CBLB: variants seen among roughly 807,000 people sequenced by gnomAD.
CBLB encodes the protein E3 ubiquitin-protein ligase CBL-B.
A neutral mutation model predicts 104.9 loss-of-function variants in CBLB; 31 were observed. The ratio of observed to expected loss-of-function variants is 0.30; its 90% confidence interval spans 0.22 to 0.40. The LOEUF is 0.40. Among genes scored for constraint, CBLB ranks in the 10% least tolerant of loss-of-function variants. CBLB has a pLI of 1.00. For missense variants in CBLB, 1,062 were observed against 1,214.6 expected, an observed-to-expected ratio of 0.87 and a Z score of 1.87; for synonymous variants, 440 against 422.6, an observed-to-expected ratio of 1.04 and a Z score of -0.51.
intron 4 of CBLB, among the ~76,000 whole-genome samples, chr3:105,765,160 G>C (rs2152939105): frequency 6.6e-6 from 1 of 152,312 alleles, no homozygotes; most frequent in South Asian, 2.1e-4. Flanking sequence ...AATTAATGTA[G>C]ATGAAACAGC....
At position 105,707,251 on chromosome 3, in the gene CBLB, G is replaced by A. The variant is rs568790359; in HGVS notation, c.1408-3078C>T. Among the ~76,000 whole-genome samples, 195 of 152,256 alleles carry A rather than the reference G, an allele frequency of 1.3e-3. 2 individuals are homozygous for A. The highest frequency in any genetic ancestry group is 3.2e-3 in the African/African-American group (134 of 41,560). On this transcript the variant is annotated intron_variant, in intron 10 of 18. Coordinates refer to ENST00000394030, the MANE Select transcript of CBLB (RefSeq NM_170662.5). The stretch of plus-strand genomic sequence containing the variant: ...TAATTGGAAGCATATCTTGCTTAGC[G>A]CAATTCATACTGTGTTCTGAAGGTG...
In CBLB at chr3:105,847,392, C is replaced by CCACACACACA. The variant is rs112192218; in HGVS notation, c.419+6012_419+6021dup. Among the ~76,000 whole-genome samples, 432 of 143,534 alleles carry CCACACACACA rather than the reference C, an allele frequency of 3.0e-3. 3 individuals are homozygous for CCACACACACA. Among genetic ancestry groups the CCACACACACA allele is most frequent in the Admixed American group, 6.3e-3 (90 of 14,324 alleles). 94.2% of individuals were successfully genotyped at this position (143,534 alleles called of 152,430 possible). A position where few individuals can be genotyped will look rare whatever the true frequency, so the allele number is the denominator to read the frequency against. On this transcript the variant is annotated intron_variant, in intron 3 of 18. Coordinates refer to ENST00000394030, the MANE Select transcript of CBLB (RefSeq NM_170662.5). ...TAACTACAGAACATGTAACCCTCCA[C>CCACACACACA]CACACACACACACACACACACACAC...
At chr3:105,820,972 T>C (rs2085756852) in intron 3 of CBLB, among the ~76,000 whole-genome samples, 1 of 152,186 alleles carries the variant, frequency 6.6e-6, no homozygotes, top group Admixed American at 6.5e-5. Context: ...GTTTAAAAAA[T>C]ATACCTTTTA....
chr3:105,701,161 GCTGTCT>G (rs1450237587), intron 12 of CBLB, among the ~76,000 whole-genome samples: 6 of 152,180 alleles, frequency 3.9e-5, no homozygotes, highest in Non-Finnish European at 8.8e-5. Context: ...GATTTCTGCT[GCTGTCT>G]CTTCAGTTTC....
At chr3:105,664,466 T>C (rs2064150849) in intron 18 of CBLB, among the ~76,000 whole-genome samples, 2 of 152,200 alleles carry the variant, frequency 1.3e-5, no homozygotes, top group South Asian at 2.1e-4. Flanking sequence ...AGTGAAAATG[T>C]GCATAGACAA....
At chr3:105,816,452 A>G (rs777779990) in intron 3 of CBLB, among the ~76,000 whole-genome samples, 3 of 152,180 alleles carry the variant, frequency 2.0e-5, no homozygotes, top group Non-Finnish European at 4.4e-5. Context: ...TGATTTTTGC[A>G]ATGTTAAGCT....
rs1443221091 is a variant in CBLB, at chr3:105,656,552, G to A, written c.*2418C>T. The A allele has an allele frequency of 5.3e-6, 1 of 189,948 alleles. No homozygotes were observed. The highest frequency in any genetic ancestry group is 1.1e-5 in the Non-Finnish European group (1 of 90,628). 11.8% of individuals were successfully genotyped at this position (189,948 alleles called of 1,614,324 possible). ...AATGACAATACTAATGGTTGCTATT[G>A]AGTACAAGATGCAGAGATTTTGCTG... On this transcript the variant is annotated 3_prime_UTR_variant, in exon 19 of 19. Transcript: ENST00000394030.
rs1412282895 is a variant in CBLB, at chr3:105,688,818, C to CA, written c.2055-3353dup. ...AATTTTCAAGGGTCTTTCATGACAT[C>CA]AAAAAAAAGTCTGTGTGGTATACTA... On this transcript the variant is annotated intron_variant, in intron 13 of 18. Coordinates refer to ENST00000394030, the MANE Select transcript of CBLB (RefSeq NM_170662.5). Among the ~76,000 whole-genome samples, 5 of 151,636 alleles carry CA rather than the reference C, an allele frequency of 3.3e-5. No individual in the cohort carries two copies. The South Asian group carries it at 6.2e-4, about 19-fold the overall frequency.
chr3:105,779,365 T>C (rs995414123), intron 3 of CBLB, among the ~76,000 whole-genome samples: 1 of 152,178 alleles, frequency 6.6e-6, no homozygotes, highest in Non-Finnish European at 1.5e-5. Context: ...ATGCTTCTAT[T>C]TTCTTGCTTC....
chr3:105,803,910 T>C (rs1037907659), intron 3 of CBLB, among the ~76,000 whole-genome samples: 3 of 152,150 alleles, frequency 2.0e-5, no homozygotes, highest in African/African-American at 7.2e-5. Flanking sequence ...AGACACTCAA[T>C]TACAGGAGTG....
At chr3:105,787,599 C>T (rs2081173988) in intron 3 of CBLB, among the ~76,000 whole-genome samples, 2 of 152,284 alleles carry the variant, frequency 1.3e-5, no homozygotes, top group East Asian at 1.9e-4. Context: ...TCACAACTTA[C>T]AGCTAACATG....
At chr3:105,662,405 T>C (rs572136730) in intron 18 of CBLB, among the ~76,000 whole-genome samples, 1 of 152,346 alleles carries the variant, frequency 6.6e-6, no homozygotes, top group East Asian at 1.9e-4. Context: ...GGAATTTCTG[T>C]ACCTGAATAT....
chr3:105,739,971 C>T (rs1330601454), intron 7 of CBLB, among the ~76,000 whole-genome samples: 5 of 152,128 alleles, frequency 3.3e-5, no homozygotes, highest in African/African-American at 4.8e-5. Context: ...GGCATGGTGG[C>T]GCACGCCTGT....
At chr3:105,807,655 G>T (rs528406829) in intron 3 of CBLB, among the ~76,000 whole-genome samples, 89 of 151,836 alleles carry the variant, frequency 5.9e-4, no homozygotes, top group African/African-American at 2.1e-3. Flanking sequence ...AACATAATGA[G>T]AATTTATTTT....
chr3:105,745,672 C>G (rs76644852), intron 6 of CBLB, among the ~76,000 whole-genome samples: 3,410 of 152,268 alleles, frequency 0.022, 64 homozygotes, highest in Non-Finnish European at 0.034. Flanking sequence ...TGCACATAAA[C>G]ACGGATATCA....
chr3:105,834,889 A>G (rs1662007111), intron 3 of CBLB, among the ~76,000 whole-genome samples: 1 of 152,178 alleles, frequency 6.6e-6, no homozygotes, highest in Non-Finnish European at 1.5e-5. Context: ...GTCTCAAAGG[A>G]AAAGATCATC....
In CBLB at chr3:105,658,566, C is replaced by T. The variant is rs372981840; in HGVS notation, c.*404G>A. 2.6e-5 allele frequency: 7 copies of T among 270,492 alleles called. No homozygotes were observed. The South Asian group carries it at 7.1e-4, about 27-fold the overall frequency. The allele number at this position is 270,492 out of a possible 1,614,324, so 16.8% of individuals were successfully genotyped here. A position where few individuals can be genotyped will look rare whatever the true frequency, so the allele number is the denominator to read the frequency against. ...AGAGAGTTGGTGGGAAATGTTACAG[C>T]AGACCTGACCACGCTACAAAGGGTC... is the stretch of plus-strand genomic sequence containing the variant. On this transcript the variant is annotated 3_prime_UTR_variant, in exon 19 of 19. Coordinates refer to ENST00000394030, the MANE Select transcript of CBLB (RefSeq NM_170662.5).
At chr3:105,869,164 C>T (rs954569956), upstream of CBLB, 3 of 607,112 alleles carry the variant, frequency 4.9e-6, no homozygotes, top group African/African-American at 4.0e-5. Context: ...CCTCGCGCTG[C>T]CGCCCCGTCC....
intron 1 of CBLB, 143 bp from the exon 2 acceptor site, chr3:105,867,734 A>G (rs1454244971): frequency 1.4e-6 from 1 of 708,504 alleles, no homozygotes; most frequent in Admixed American, 2.3e-5. Flanking sequence ...ATCTTTATCA[A>G]TAAGCTTGTG....
Sources: gnomAD v4.1 joint callset for allele counts (sites outside exome capture counted in the v4.1 genomes callset) on GRCh38, gnomAD v4.1.1 for gene constraint, MANE v1.5 for transcripts, NCBI Gene and HGNC (gene_info 2026-07-23, HGNC 2026-07-21) for gene names.